SPSB4: variants seen among roughly 807,000 people sequenced by gnomAD.
The protein encoded by SPSB4 is SPRY domain-containing SOCS box protein 4.
A neutral mutation model predicts 20.9 loss-of-function variants in SPSB4; 21 were observed. The observed-to-expected ratio is 1.01, with a 90% CI of 0.71 to 1.45. SPSB4 has a LOEUF of 1.45. Among genes scored for constraint, SPSB4 ranks in the 40% most tolerant of loss-of-function variants. The pLI is 0.00. For missense variants in SPSB4, 399 were observed against 399.2 expected (o/e 1.00, Z 0.00); for synonymous variants, 207 against 183.8 (o/e 1.13, Z -1.02).
At chr3:141,125,607 A>C (rs1370152594) in intron 2 of SPSB4, among the ~76,000 whole-genome samples, 1 of 152,200 alleles carries the variant, frequency 6.6e-6, no homozygotes, top group African/African-American at 2.4e-5. Flanking sequence ...TGCCTGCAGA[A>C]ATAAGCAGTG....
At chr3:141,128,125 G>T (rs1165999462) in intron 2 of SPSB4, among the ~76,000 whole-genome samples, 1 of 152,226 alleles carries the variant, frequency 6.6e-6, no homozygotes, top group Admixed American at 6.5e-5. Flanking sequence ...TAATGGTTAA[G>T]TCGGTGGGGA....
At chr3:141,122,625 C>T (rs759432595) in intron 2 of SPSB4, among the ~76,000 whole-genome samples, 2 of 152,210 alleles carry the variant, frequency 1.3e-5, no homozygotes, top group Non-Finnish European at 2.9e-5. Flanking sequence ...GAGCATAAAA[C>T]CGCCTACTCA....
chr3:141,075,249 G>A (rs984142711), intron 2 of SPSB4, among the ~76,000 whole-genome samples: 3 of 152,146 alleles, frequency 2.0e-5, no homozygotes, highest in Admixed American at 2.0e-4. Flanking sequence ...CTTGGAGCTT[G>A]GGCAGAGTTT....
chr3:141,117,985 G>A (rs903715537), intron 2 of SPSB4, among the ~76,000 whole-genome samples: 15 of 152,298 alleles, frequency 9.8e-5, no homozygotes, highest in African/African-American at 3.6e-4. Context: ...TGTCTTTATT[G>A]TAGCATGATT....
chr3:141,112,473 G>C (rs1031806169), intron 2 of SPSB4, among the ~76,000 whole-genome samples: 2 of 150,688 alleles, frequency 1.3e-5, no homozygotes, highest in South Asian at 2.1e-4. Context: ...GTGAAACCCC[G>C]TCTCTACTAA....
chr3:141,080,121 G>C (rs1447150053), intron 2 of SPSB4, among the ~76,000 whole-genome samples: 1 of 152,182 alleles, frequency 6.6e-6, no homozygotes, highest in Non-Finnish European at 1.5e-5. Context: ...CATGTTGTTG[G>C]AACTTTGGTC....
intron 2 of SPSB4, among the ~76,000 whole-genome samples, chr3:141,138,672 T>A (rs1387754677): frequency 2.6e-5 from 4 of 152,376 alleles, no homozygotes; most frequent in Admixed American, 6.5e-5. Context: ...TCCTGAGTTC[T>A]AGTTTGATTG....
intron 2 of SPSB4, among the ~76,000 whole-genome samples, chr3:141,108,641 T>G (rs1199159498): frequency 6.6e-6 from 1 of 152,184 alleles, no homozygotes; most frequent in Non-Finnish European, 1.5e-5. Flanking sequence ...GCCCCTAGTT[T>G]ATCGGGTAGC....
intron 2 of SPSB4, among the ~76,000 whole-genome samples, chr3:141,116,842 T>A (rs1469657554): frequency 6.6e-6 from 1 of 152,186 alleles, no homozygotes; most frequent in East Asian, 1.9e-4. Context: ...TTTGAAAATA[T>A]GTCAACACTC....
chr3:141,096,428 A>G (rs779052561), intron 2 of SPSB4, among the ~76,000 whole-genome samples: 2 of 152,184 alleles, frequency 1.3e-5, no homozygotes, highest in Admixed American at 1.3e-4. Context: ...GTCTCAGAGA[A>G]CTTGTGACTT....
At chr3:141,106,724 G>A (rs553277130) in intron 2 of SPSB4, among the ~76,000 whole-genome samples, 11 of 152,272 alleles carry the variant, frequency 7.2e-5, no homozygotes, top group South Asian at 4.1e-4. Context: ...AGGGTCTGAC[G>A]TCTCTCTCTC....
rs144673783 is a variant in SPSB4, at chr3:141,105,089, T to C, written c.694+38291T>C. 6.6e-5 allele frequency among the ~76,000 whole-genome samples: 10 copies of C among 152,286 alleles called. No homozygotes were observed. In the East Asian group the frequency reaches 1.9e-3, roughly 29 times the overall value. ...GAGGAGACTGAGTTCCTTAAATATC[T>C]TTAGCACCATACATTCAGGAACCAT... is the stretch of plus-strand genomic sequence containing the variant. On this transcript the variant is annotated intron_variant, in intron 2 of 2. Coordinates refer to ENST00000310546, the MANE Select transcript of SPSB4 (RefSeq NM_080862.3).
intron 2 of SPSB4, among the ~76,000 whole-genome samples, chr3:141,083,403 G>T (rs545411290): frequency 6.6e-6 from 1 of 152,284 alleles, no homozygotes; most frequent in East Asian, 1.9e-4. Context: ...TGGTCCCAGG[G>T]CGTGTCCAGC....
chr3:141,060,818 TA>T (rs375132071), intron 1 of SPSB4, among the ~76,000 whole-genome samples: 114 of 152,342 alleles, frequency 7.5e-4, no homozygotes, highest in African/African-American at 2.6e-3. Flanking sequence ...AATAAGCTGA[TA>T]GACAAAAATG....
At chr3:141,136,233 T>A (rs370665984) in intron 2 of SPSB4, among the ~76,000 whole-genome samples, 1,941 of 152,150 alleles carry the variant, frequency 0.013, 39 homozygotes, top group African/African-American at 0.045. Context: ...TAGATTCTGG[T>A]TATTAGCCCT....
intron 2 of SPSB4, among the ~76,000 whole-genome samples, chr3:141,098,882 G>A (rs181546058): frequency 1.7e-4 from 26 of 152,278 alleles, no homozygotes; most frequent in African/African-American, 6.0e-4. Context: ...TTGTCTCACA[G>A]TTCTGGAGGT....
At chr3:141,071,537 C>A (rs915187542) in intron 2 of SPSB4, among the ~76,000 whole-genome samples, 6 of 152,086 alleles carry the variant, frequency 3.9e-5, no homozygotes, top group Admixed American at 2.0e-4. Context: ...TTATTATCCC[C>A]ATTTTATAGA....
intron 2 of SPSB4, among the ~76,000 whole-genome samples, chr3:141,106,311 C>T (rs1272740675): frequency 1.3e-5 from 2 of 152,240 alleles, no homozygotes; most frequent in East Asian, 3.9e-4. Flanking sequence ...CTGGAGCCCT[C>T]GGGCCACTCC....
intron 2 of SPSB4, among the ~76,000 whole-genome samples, chr3:141,122,788 G>T (rs1429159119): frequency 6.6e-6 from 1 of 152,240 alleles, no homozygotes; most frequent in African/African-American, 2.4e-5. Flanking sequence ...CTGTTGCAAA[G>T]ACTGTGGGAA....
Sources: allele counts gnomAD v4.1 joint callset (sites outside exome capture counted in the v4.1 genomes callset), GRCh38; gene constraint gnomAD v4.1.1; transcripts MANE v1.5; gene names NCBI Gene and HGNC (gene_info 2026-07-23, HGNC 2026-07-21).